The following RHOA variants were observed in gnomAD, a reference collection of about 807,000 sequenced individuals.
The protein encoded by RHOA is ras homolog family member A.
Under a neutral mutation model 17.5 loss-of-function variants are expected in RHOA, and 3 were observed. That is an observed-to-expected ratio of 0.17 (90% CI 0.08 to 0.44). The LOEUF (loss-of-function observed/expected upper bound fraction) is 0.44, where lower values mean the gene tolerates loss of function less well. RHOA is among the 20% of genes least tolerant of loss of function. The probability of loss-of-function intolerance (pLI) is 0.99; values close to 1 mark genes in which losing one functional copy is unlikely to be tolerated. For synonymous variants in RHOA, 98 were observed against 88.4 expected, an observed-to-expected ratio of 1.11 and a Z score of -0.61; for missense variants, 56 against 242.3, an observed-to-expected ratio of 0.23 and a Z score of 5.10.
At chr3:49,393,876 A>AT (rs751455504) in intron 1 of RHOA, among the ~76,000 whole-genome samples, 9,370 of 136,692 alleles carry the variant, frequency 0.069, 396 homozygotes, top group Non-Finnish European at 0.092. Flanking sequence ...CGCCTGGCTA[A>AT]TTTTTTTTTT....
intron 2 of RHOA, among the ~76,000 whole-genome samples, chr3:49,369,560 C>A (rs1200525606): frequency 1.3e-5 from 2 of 149,940 alleles, no homozygotes; most frequent in East Asian, 2.0e-4. Flanking sequence ...TGGTGAAACC[C>A]CGTCCCTACT....
At chr3:49,378,014 T>G (rs1364185494) in intron 1 of RHOA, among the ~76,000 whole-genome samples, 2 of 151,276 alleles carry the variant, frequency 1.3e-5, no homozygotes, top group African/African-American at 4.9e-5. Flanking sequence ...CCGGGTGTGG[T>G]GGTGGGCACC....
At chr3:49,408,815 C>CA (rs1559522358) in intron 1 of RHOA, among the ~76,000 whole-genome samples, 18 of 146,140 alleles carry the variant, frequency 1.2e-4, no homozygotes, top group African/African-American at 4.6e-4. Context: ...TTTTTTGAGA[C>CA]GGAGTCTCGC....
At chr3:49,371,271 A>G (rs1432370837) in intron 2 of RHOA, among the ~76,000 whole-genome samples, 2 of 147,630 alleles carry the variant, frequency 1.4e-5, no homozygotes, top group African/African-American at 5.0e-5. Flanking sequence ...AGGCTGTACT[A>G]TTGCCTACTG....
intron 1 of RHOA, chr3:49,406,641 T>C (rs1486879130): frequency 1.3e-5 from 2 of 151,830 alleles, no homozygotes; most frequent in African/African-American, 4.8e-5. Flanking sequence ...CCAAGGGTGG[T>C]GGGCAGGTGG....
At chr3:49,389,615 C>G (rs556282097) in intron 1 of RHOA, among the ~76,000 whole-genome samples, 1 of 152,120 alleles carries the variant, frequency 6.6e-6, no homozygotes, top group African/African-American at 2.4e-5. Context: ...CTGTTCTGTC[C>G]AGAATTCCAA....
intron 1 of RHOA, among the ~76,000 whole-genome samples, chr3:49,392,602 T>A (rs1402682182): frequency 2.0e-5 from 3 of 152,122 alleles, no homozygotes; most frequent in Non-Finnish European, 2.9e-5. Context: ...TGCCTCAGCC[T>A]TCCACAAGTG....
intron 3 of RHOA, among the ~76,000 whole-genome samples, chr3:49,368,045 G>A (rs2048087631): frequency 2.0e-5 from 3 of 151,908 alleles, no homozygotes; most frequent in Non-Finnish European, 4.4e-5. Context: ...AAGTACCTGG[G>A]ACTACAGGCG....
chr3:49,366,899 C>T (rs541493855), intron 3 of RHOA: 2 of 152,104 alleles, frequency 1.3e-5, no homozygotes, highest in Non-Finnish European at 2.9e-5. Flanking sequence ...ACATCCTTGA[C>T]CCACCTGCTG....
At chr3:49,363,318 G>A (rs1424213003) in intron 3 of RHOA, among the ~76,000 whole-genome samples, 2 of 152,148 alleles carry the variant, frequency 1.3e-5, no homozygotes, top group African/African-American at 4.8e-5. Flanking sequence ...TATTCAGGAG[G>A]CTGAGGCAGG....
intron 2 of RHOA, among the ~76,000 whole-genome samples, chr3:49,371,788 TCA>T (rs1482400713): frequency 2.6e-5 from 4 of 152,214 alleles, no homozygotes; most frequent in African/African-American, 9.6e-5. Context: ...AGAAAAATAC[TCA>T]CAGACCATGC....
At chr3:49,394,275 A>C (rs2048575452) in intron 1 of RHOA, among the ~76,000 whole-genome samples, 1 of 152,136 alleles carries the variant, frequency 6.6e-6, no homozygotes, top group South Asian at 2.1e-4. Context: ...AAGTGCTAGG[A>C]TTACAGGCGT....
At chr3:49,379,158 GAATAT>G (rs1483078459) in intron 1 of RHOA, among the ~76,000 whole-genome samples, 1 of 152,006 alleles carries the variant, frequency 6.6e-6, no homozygotes, top group Non-Finnish European at 1.5e-5. Context: ...AACAACTGAT[GAATAT>G]AATATATCCA....
At chr3:49,405,046 G>A (rs1440553001) in intron 1 of RHOA, among the ~76,000 whole-genome samples, 1 of 151,482 alleles carries the variant, frequency 6.6e-6, no homozygotes, top group East Asian at 1.9e-4. Flanking sequence ...TCAGGAGATC[G>A]GGACCATCCT....
At chr3:49,407,636 T>TA (rs1034034345) in intron 1 of RHOA, among the ~76,000 whole-genome samples, 7 of 152,194 alleles carry the variant, frequency 4.6e-5, no homozygotes, top group African/African-American at 1.7e-4. Context: ...GTTTTTTTTT[T>TA]AATATCAGAT....
At chr3:49,402,479 G>C (rs567485622) in intron 1 of RHOA, among the ~76,000 whole-genome samples, 1 of 152,082 alleles carries the variant, frequency 6.6e-6, no homozygotes, top group African/African-American at 2.4e-5. Flanking sequence ...TTAGAGACCA[G>C]CCTGGACAAC....
chr3:49,399,345 G>A (rs2048679606), intron 1 of RHOA, among the ~76,000 whole-genome samples: 1 of 151,016 alleles, frequency 6.6e-6, no homozygotes, highest in Admixed American at 6.6e-5. Context: ...ACTGCAGCCT[G>A]GGCGACAGAG....
At chr3:49,375,336 A>G in intron 2 of RHOA, 98 bp downstream of exon 2, 3 of 1,098,904 alleles carry the variant, frequency 2.7e-6, no homozygotes, top group Non-Finnish European at 3.9e-6. Flanking sequence ...TTTTTGTTAT[A>G]TGGTATACTG....
rs371644043 is a variant in RHOA at position 49,361,090 on chromosome 3, A to C, written c.409-708T>G. 6.0e-3 allele frequency: 1,052 copies of C among 174,690 alleles called. 14 individuals carry two copies. The highest frequency in any genetic ancestry group is 0.012 in the African/African-American group (480 of 41,662). 10.8% of individuals were successfully genotyped at this position (174,690 alleles called of 1,614,324 possible). Reference sequence around the variant, plus strand: ...TCCTTCTCAAAAAAAACAAAACAAAAAAAAAAAACAACAAACTGCTAAACT... The same window carrying C: ...TCCTTCTCAAAAAAAACAAAACAAACAAAAAAAACAACAAACTGCTAAACT... On this transcript the variant is annotated intron_variant, in intron 4 of 4. Coordinates refer to ENST00000418115, the MANE Select transcript of RHOA (RefSeq NM_001664.4).
Sources: allele counts gnomAD v4.1 joint callset (sites outside exome capture counted in the v4.1 genomes callset), GRCh38; gene constraint gnomAD v4.1.1; transcripts MANE v1.5; gene names NCBI Gene and HGNC (gene_info 2026-07-23, HGNC 2026-07-21).